TMEM132D: variants seen among roughly 807,000 people sequenced by gnomAD.
TMEM132D encodes the protein mature OL transmembrane protein.
Under a neutral mutation model 62.3 loss-of-function variants are expected in TMEM132D, and 21 were observed. The ratio of observed to expected loss-of-function variants is 0.34; its 90% CI spans 0.24 to 0.49. The LOEUF is 0.49. Among genes scored for constraint, TMEM132D ranks in the 20% least tolerant of loss-of-function variants. The pLI is 0.99. For synonymous variants in TMEM132D, 621 were observed against 575.6 expected (o/e 1.08, Z -1.13); for missense variants, 1,346 against 1,402.8 (o/e 0.96, Z 0.65).
intron 5 of TMEM132D, among the ~76,000 whole-genome samples, chr12:129,098,665 T>C (rs1875191749): frequency 6.6e-6 from 1 of 152,182 alleles, no homozygotes; most frequent in Non-Finnish European, 1.5e-5. Flanking sequence ...TTTCCAAAGA[T>C]GGCCACAACA....
Position 129,892,724 on chromosome 12 carries a change from G to A in TMEM132D, c.79+10537C>T, listed in dbSNP as rs569710997. On this transcript the variant is annotated intron_variant, in intron 1 of 8. Coordinates refer to ENST00000422113, the MANE Select transcript of TMEM132D (RefSeq NM_133448.3). ...ATCTCCCCATCATTTATGGCTACAA[G>A]CAGCTGTGTTGGAGATGCTACAATT... Among the ~76,000 whole-genome samples, 5 of 152,190 alleles carry A rather than the reference G, an allele frequency of 3.3e-5. 1 individual carries two copies. Among genetic ancestry groups the A allele is most frequent in the African/African-American group, 1.2e-4 (5 of 41,528 alleles).
At chr12:129,271,610 T>C (rs1214826738) in intron 4 of TMEM132D, among the ~76,000 whole-genome samples, 4 of 151,676 alleles carry the variant, frequency 2.6e-5, no homozygotes, top group African/African-American at 9.8e-5. Flanking sequence ...CCTCCCTGTG[T>C]CCATGTGTTC....
intron 4 of TMEM132D, among the ~76,000 whole-genome samples, chr12:129,281,642 G>A (rs1412865330): frequency 6.6e-6 from 1 of 152,032 alleles, no homozygotes; most frequent in Non-Finnish European, 1.5e-5. Context: ...AGACCACACT[G>A]CTTATCTGTA....
chr12:129,828,367 CCAAA>C (rs1430875637), intron 1 of TMEM132D, among the ~76,000 whole-genome samples: 2 of 151,834 alleles, frequency 1.3e-5, no homozygotes, highest in African/African-American at 2.4e-5. Context: ...AATCATTAAG[CCAAA>C]CAATCTTTGT....
At chr12:129,356,926 A>AGAGGAGAGGG (rs1353662912) in intron 3 of TMEM132D, among the ~76,000 whole-genome samples, 9,413 of 89,494 alleles carry the variant, frequency 0.11, 664 homozygotes, top group African/African-American at 0.21. Context: ...AAAGGAGAGG[A>AGAGGAGAGGG]GAGGAGAGGG....
At chr12:129,469,504 A>G (rs995900216) in intron 3 of TMEM132D, among the ~76,000 whole-genome samples, 1 of 152,190 alleles carries the variant, frequency 6.6e-6, no homozygotes, top group Non-Finnish European at 1.5e-5. Flanking sequence ...AACCTCTCCT[A>G]TAGGGTAACT....
At chr12:129,740,552 G>A (rs1360809680) in intron 1 of TMEM132D, among the ~76,000 whole-genome samples, 1 of 152,164 alleles carries the variant, frequency 6.6e-6, no homozygotes, top group Non-Finnish European at 1.5e-5. Flanking sequence ...TCATTCAGGT[G>A]TAAGTATCTT....
At chr12:129,796,719 G>C (rs1205605503) in intron 1 of TMEM132D, among the ~76,000 whole-genome samples, 2 of 152,130 alleles carry the variant, frequency 1.3e-5, no homozygotes. Context: ...TCACACACCA[G>C]GGCCTGTTGG....
At chr12:129,274,626 C>T (rs1263258785) in intron 4 of TMEM132D, among the ~76,000 whole-genome samples, 3 of 152,218 alleles carry the variant, frequency 2.0e-5, no homozygotes, top group Non-Finnish European at 4.4e-5. Context: ...GTGGTTCACG[C>T]CTGTAATCCC....
intron 3 of TMEM132D, among the ~76,000 whole-genome samples, chr12:129,442,065 C>T (rs1415911872): frequency 1.3e-5 from 2 of 152,170 alleles, no homozygotes; most frequent in Non-Finnish European, 2.9e-5. Flanking sequence ...GATTCAATTG[C>T]ACCCCAACCC....
intron 5 of TMEM132D, among the ~76,000 whole-genome samples, chr12:129,099,787 T>C (rs1875233375): frequency 6.6e-6 from 1 of 152,094 alleles, no homozygotes; most frequent in South Asian, 2.1e-4. Flanking sequence ...CCATTAAAAG[T>C]GGGAGCGAAA....
At chr12:129,388,830 G>C (rs369291554) in intron 3 of TMEM132D, among the ~76,000 whole-genome samples, 22 of 76,324 alleles carry the variant, frequency 2.9e-4, no homozygotes, top group East Asian at 6.6e-4. Flanking sequence ...AACACTAATA[G>C]CAACACCAAT....
chr12:129,789,541 T>C (rs1476260003), intron 1 of TMEM132D, among the ~76,000 whole-genome samples: 1 of 152,252 alleles, frequency 6.6e-6, no homozygotes, highest in African/African-American at 2.4e-5. Flanking sequence ...CGTGGAATAC[T>C]ACTCAGCTAT....
chr12:129,545,891 C>G (rs766829716), intron 2 of TMEM132D, among the ~76,000 whole-genome samples: 1 of 152,184 alleles, frequency 6.6e-6, no homozygotes, highest in Non-Finnish European at 1.5e-5. Flanking sequence ...AGCTGTCTCT[C>G]TTCTCTCCAG....
At chr12:129,798,672 T>C (rs1445712886) in intron 1 of TMEM132D, among the ~76,000 whole-genome samples, 1 of 151,438 alleles carries the variant, frequency 6.6e-6, no homozygotes, top group Non-Finnish European at 1.5e-5. Flanking sequence ...GCGAGCATCC[T>C]TGGGAGGGAA....
Position 129,074,418 on chromosome 12 carries a change from C to T in TMEM132D, c.2757G>A (p.Gly919=), listed in dbSNP as rs1283574767. The part of the protein sequence containing the change: ...ASKGLSDLEI[G]MYALLGVFCL... ...AGAAGACTCCCAACAAAGCATACAT[C>T]CCAATTTCTAAGTCGCTCAGCCCTT... The change falls in exon 9 of 9, where the codon GGG becomes GGA. Residue 919 remains glycine, a synonymous_variant. Coordinates refer to ENST00000422113, the MANE Select transcript of TMEM132D (RefSeq NM_133448.3). The T allele has an allele frequency of 2.5e-6, 4 of 1,613,996 alleles. No homozygotes were observed. The highest frequency in any genetic ancestry group is 3.4e-6 in the Non-Finnish European group (4 of 1,180,048).
At chr12:129,254,395 T>C (rs760009224) in intron 4 of TMEM132D, among the ~76,000 whole-genome samples, 7 of 152,234 alleles carry the variant, frequency 4.6e-5, no homozygotes, top group Non-Finnish European at 7.3e-5. Context: ...CTGTGCTTCT[T>C]AGCGTCCTTG....
chr12:129,850,609 AGGG>A (rs1873508437), intron 1 of TMEM132D, among the ~76,000 whole-genome samples: 1 of 152,212 alleles, frequency 6.6e-6, no homozygotes. Flanking sequence ...AGGTATGGAC[AGGG>A]TATTTTATAC....
At chr12:129,584,492 C>T (rs907442917) in intron 2 of TMEM132D, among the ~76,000 whole-genome samples, 1 of 152,220 alleles carries the variant, frequency 6.6e-6, no homozygotes, top group Non-Finnish European at 1.5e-5. Context: ...ACTCCCCCTC[C>T]CTTTGACTTT....
Sources: allele counts gnomAD v4.1 joint callset (sites outside exome capture counted in the v4.1 genomes callset), GRCh38; gene constraint gnomAD v4.1.1; transcripts MANE v1.5; gene names NCBI Gene and HGNC (gene_info 2026-07-23, HGNC 2026-07-21).